The following LRRC52 variants were observed in gnomAD, a reference collection of about 807,000 sequenced individuals.
The protein encoded by LRRC52 is leucine-rich repeat-containing protein 52.
In LRRC52, 15 loss-of-function variants were observed where a neutral mutation model predicts 14.7. The ratio of observed to expected loss-of-function variants is 1.02; its 90% CI spans 0.68 to 1.58. The LOEUF is 1.58. LRRC52 is among the 40% of genes most tolerant of loss of function. The pLI, the probability that LRRC52 is intolerant of heterozygous loss-of-function variation, is 0.00. For synonymous variants in LRRC52, 180 were observed against 163.9 expected, an observed-to-expected ratio of 1.10 and a Z score of -0.75; for missense variants, 400 against 387.7, an observed-to-expected ratio of 1.03 and a Z score of -0.27.
intron 1 of LRRC52, among the ~76,000 whole-genome samples, chr1:165,559,724 T>C (rs1367810547): frequency 6.6e-6 from 1 of 152,218 alleles, no homozygotes; most frequent in Non-Finnish European, 1.5e-5. Context: ...AAGCAAGAGT[T>C]AAGTTTCTAA....
rs550681417 is a variant in LRRC52 at position 165,544,107 on chromosome 1, G to A, written c.-190G>A. 5.8e-6 allele frequency: 4 copies of A among 683,894 alleles called. No homozygotes were observed. The highest frequency in any genetic ancestry group is 1.8e-5 in the African/African-American group (1 of 55,830). 42.4% of individuals were successfully genotyped at this position (683,894 alleles called of 1,614,324 possible). A position where few individuals can be genotyped will look rare whatever the true frequency, so the allele number is the denominator to read the frequency against. Reference sequence around the variant, plus strand: ...GAGCGACAGAGCCACCAAGCTGGGCGGCAGGGCATTGAGCCTCGCGTTTCA... The same window carrying A: ...GAGCGACAGAGCCACCAAGCTGGGCAGCAGGGCATTGAGCCTCGCGTTTCA... On this transcript the variant is annotated 5_prime_UTR_variant, in exon 1 of 2. Coordinates refer to ENST00000294818, the MANE Select transcript of LRRC52 (RefSeq NM_001005214.4).
Position 165,544,203 on chromosome 1 carries a change from G to GCCCCCCC in LRRC52, c.-90_-89insCCCCCCC. ...CTAAAGTGTTACAGTTCTTTCCAGA[G>GCCCCCCC]CCCCTCCCCCGCCCCACCCCCCCAC... is the stretch of plus-strand genomic sequence containing the variant. On this transcript the variant is annotated 5_prime_UTR_variant, in exon 1 of 2. Transcript: ENST00000294818. 1 of 1,001,754 alleles carries GCCCCCCC rather than the reference G, an allele frequency of 1.0e-6. No homozygotes were observed. Among genetic ancestry groups the GCCCCCCC allele is most frequent in the Non-Finnish European group, 1.4e-6 (1 of 706,266 alleles). The allele number at this position is 1,001,754 out of a possible 1,614,324, so 62.1% of individuals were successfully genotyped here. A position where few individuals can be genotyped will look rare whatever the true frequency, so the allele number is the denominator to read the frequency against.
intron 1 of LRRC52, among the ~76,000 whole-genome samples, chr1:165,545,962 C>G (rs1661013553): frequency 6.6e-6 from 1 of 152,146 alleles, no homozygotes; most frequent in Non-Finnish European, 1.5e-5. Context: ...TTCATAGACG[C>G]AGCTTCATAA....
intron 1 of LRRC52, among the ~76,000 whole-genome samples, chr1:165,549,134 T>C (rs1320154809): frequency 6.6e-6 from 1 of 152,218 alleles, no homozygotes; most frequent in Non-Finnish European, 1.5e-5. Flanking sequence ...GTTAAGAACA[T>C]GGGTTTTCAG....
chr1:165,548,845 G>T (rs181357413), intron 1 of LRRC52, among the ~76,000 whole-genome samples: 37 of 152,268 alleles, frequency 2.4e-4, no homozygotes, highest in African/African-American at 8.9e-4. Context: ...GATGAGGAAA[G>T]GTACAGGATA....
chr1:165,556,452 T>C (rs943368484), intron 1 of LRRC52, among the ~76,000 whole-genome samples: 7 of 152,226 alleles, frequency 4.6e-5, no homozygotes, highest in Admixed American at 3.9e-4. Flanking sequence ...ACACAAATCC[T>C]TAAGGTTTTA....
intron 1 of LRRC52, among the ~76,000 whole-genome samples, chr1:165,563,079 C>A (rs1429448330): frequency 6.6e-6 from 1 of 152,042 alleles, no homozygotes; most frequent in African/African-American, 2.4e-5. Flanking sequence ...AAGGGAGGGG[C>A]AAGAGGGAGG....
chr1:165,560,301 G>A (rs1392334368), intron 1 of LRRC52, among the ~76,000 whole-genome samples: 2 of 152,176 alleles, frequency 1.3e-5, no homozygotes, highest in Non-Finnish European at 2.9e-5. Flanking sequence ...AAGGATCAGA[G>A]TGTTTCTATA....
At chr1:165,552,079 A>C (rs1255983098) in intron 1 of LRRC52, among the ~76,000 whole-genome samples, 1 of 151,970 alleles carries the variant, frequency 6.6e-6, no homozygotes, top group Non-Finnish European at 1.5e-5. Context: ...GGGGGCTGAG[A>C]GGGGTGCAAC....
intron 1 of LRRC52, among the ~76,000 whole-genome samples, chr1:165,560,706 G>T (rs1169369917): frequency 1.3e-5 from 2 of 152,046 alleles, no homozygotes; most frequent in African/African-American, 4.8e-5. Flanking sequence ...CAAAACTAGG[G>T]GTATGAGGCA....
At chr1:165,548,973 A>G (rs1268189082) in intron 1 of LRRC52, among the ~76,000 whole-genome samples, 1 of 152,190 alleles carries the variant, frequency 6.6e-6, no homozygotes, top group African/African-American at 2.4e-5. Context: ...AAATATGACT[A>G]TAGAGATGCA....
intron 1 of LRRC52, among the ~76,000 whole-genome samples, chr1:165,561,118 A>G (rs1215275092): frequency 1.3e-5 from 2 of 152,286 alleles, no homozygotes; most frequent in East Asian, 3.9e-4. Context: ...AGAGAAACCC[A>G]GGCCTCCCTC....
In LRRC52 at chr1:165,563,841, T is replaced by A. The variant is rs1231244322; in HGVS notation, c.*17T>A. Reference sequence around the variant, plus strand: ...CTTATTTAGTTGCCAGAGACCACTATCTTATGTGCCTCCCCCAGGCTCCCT... The same window carrying A: ...CTTATTTAGTTGCCAGAGACCACTAACTTATGTGCCTCCCCCAGGCTCCCT... On this transcript the variant is annotated 3_prime_UTR_variant, in exon 2 of 2. Transcript: ENST00000294818. 2.5e-6 allele frequency: 4 copies of A among 1,606,782 alleles called. No homozygotes were observed. Among genetic ancestry groups the A allele is most frequent in the Middle Eastern group, 1.7e-4 (1 of 6,016 alleles).
At chr1:165,552,031 T>G (rs946758581) in intron 1 of LRRC52, among the ~76,000 whole-genome samples, 37 of 149,134 alleles carry the variant, frequency 2.5e-4, no homozygotes, top group Admixed American at 1.3e-4. Context: ...CTTCCAAGGC[T>G]GTTGAAAGCC....
intron 1 of LRRC52, among the ~76,000 whole-genome samples, chr1:165,553,599 A>G (rs1661178541): frequency 6.6e-6 from 1 of 152,244 alleles, no homozygotes; most frequent in Admixed American, 6.5e-5. Context: ...GAGTCGATGC[A>G]GAGAAAAAGG....
rs1660979416 is a variant in LRRC52 at position 165,544,665 on chromosome 1, G to T, written c.369G>T (p.Val123=). ...LTSISPFTFS[V]LSNLVQLNIA... The stretch of plus-strand genomic sequence containing the variant: ...CGATCTCCCCATTCACTTTCTCGGT[G>T]CTCAGCAACCTGGTGCAGCTGAACA... Residue 123 remains valine, a synonymous_variant, in exon 1 of 2, where the codon GTG becomes GTT. Coordinates refer to ENST00000294818, the MANE Select transcript of LRRC52 (RefSeq NM_001005214.4). 6.2e-7 allele frequency: 1 copy of T among 1,613,868 alleles called. No individual in the cohort carries two copies. Among genetic ancestry groups the T allele is most frequent in the Admixed American group, 1.7e-5 (1 of 59,980 alleles).
intron 1 of LRRC52, among the ~76,000 whole-genome samples, chr1:165,550,649 C>A (rs1661112923): frequency 6.6e-6 from 1 of 152,168 alleles, no homozygotes; most frequent in Non-Finnish European, 1.5e-5. Context: ...CATGATATTT[C>A]TTTGCTGTCA....
At chr1:165,556,183 G>A (rs1661229719) in intron 1 of LRRC52, among the ~76,000 whole-genome samples, 1 of 152,184 alleles carries the variant, frequency 6.6e-6, no homozygotes, top group African/African-American at 2.4e-5. Flanking sequence ...CCATGAGAAG[G>A]AATTATGAGA....
intron 1 of LRRC52, among the ~76,000 whole-genome samples, chr1:165,548,237 CA>C (rs1661062785): frequency 6.6e-6 from 1 of 152,162 alleles, no homozygotes; most frequent in Non-Finnish European, 1.5e-5. Context: ...ATATTAAGGG[CA>C]ATATGAGAGT....
Sources: allele counts gnomAD v4.1 joint callset (sites outside exome capture counted in the v4.1 genomes callset), GRCh38; gene constraint gnomAD v4.1.1; transcripts MANE v1.5; gene names NCBI Gene and HGNC (gene_info 2026-07-23, HGNC 2026-07-21).